RBFOX3: variants seen among roughly 807,000 people sequenced by gnomAD.
The protein encoded by RBFOX3 is RNA binding protein fox-1 homolog 3.
A neutral mutation model predicts 48.7 loss-of-function variants in RBFOX3; 17 were observed. The ratio of observed to expected loss-of-function variants is 0.35; its 90% CI spans 0.24 to 0.52. RBFOX3 has a LOEUF of 0.52. Among genes scored for constraint, RBFOX3 ranks in the 20% least tolerant of loss-of-function variants. The pLI is 0.94. For missense variants in RBFOX3, 382 were observed against 497.5 expected, an observed-to-expected ratio of 0.77 and a Z score of 2.21; for synonymous variants, 212 against 209.5, an observed-to-expected ratio of 1.01 and a Z score of -0.10.
intron 1 of RBFOX3, among the ~76,000 whole-genome samples, chr17:79,563,604 T>C (rs2144295216): frequency 6.6e-6 from 1 of 152,378 alleles, no homozygotes; most frequent in African/African-American, 2.4e-5. Context: ...GTTGTTGACA[T>C]TGGTACAGGT....
intron 3 of RBFOX3, among the ~76,000 whole-genome samples, chr17:79,275,941 A>G (rs1600361082): frequency 6.6e-6 from 1 of 152,270 alleles, no homozygotes; most frequent in African/African-American, 2.4e-5. Context: ...TTGCAGCGTC[A>G]TTCACCACAG....
intron 2 of RBFOX3, among the ~76,000 whole-genome samples, chr17:79,314,582 G>A (rs2077280117): frequency 6.6e-6 from 1 of 152,136 alleles, no homozygotes; most frequent in Non-Finnish European, 1.5e-5. Context: ...TTTCATGAAT[G>A]AAAGAGTGGA....
intron 4 of RBFOX3, among the ~76,000 whole-genome samples, chr17:79,216,902 C>CTGG (rs2059127979): frequency 6.6e-6 from 1 of 152,300 alleles, no homozygotes; most frequent in South Asian, 2.1e-4. Flanking sequence ...ATTGAGCCCA[C>CTGG]TGCCCAGACC....
chr17:79,491,807 T>A (rs2080709596), intron 1 of RBFOX3, among the ~76,000 whole-genome samples: 1 of 152,162 alleles, frequency 6.6e-6, no homozygotes, highest in African/African-American at 2.4e-5. Context: ...AGGCCGGGCA[T>A]GGTGGTTCAT....
At chr17:79,203,322 G>A (rs966832668) in intron 4 of RBFOX3, among the ~76,000 whole-genome samples, 2 of 132,880 alleles carry the variant, frequency 1.5e-5, no homozygotes, top group African/African-American at 5.9e-5. Flanking sequence ...GTGGTTTGAG[G>A]GTGAAGGGGC....
chr17:79,289,700 C>G (rs1189778608), intron 3 of RBFOX3, among the ~76,000 whole-genome samples: 2 of 152,338 alleles, frequency 1.3e-5, no homozygotes, highest in African/African-American at 4.8e-5. Flanking sequence ...AAGCTGCCTC[C>G]CAGCTCCTGG....
intron 3 of RBFOX3, among the ~76,000 whole-genome samples, chr17:79,250,710 G>A (rs950775332): frequency 3.3e-5 from 5 of 152,100 alleles, no homozygotes; most frequent in South Asian, 4.2e-4. Flanking sequence ...GACTCCCTTC[G>A]GCAGCCACCC....
intron 2 of RBFOX3, among the ~76,000 whole-genome samples, chr17:79,451,831 T>A (rs2073568400): frequency 6.6e-6 from 1 of 152,228 alleles, no homozygotes. Context: ...GCAGTGTTCG[T>A]ACGTTAGGTG....
intron 5 of RBFOX3, among the ~76,000 whole-genome samples, chr17:79,108,734 C>T: frequency 6.6e-6 from 1 of 152,248 alleles, no homozygotes; most frequent in East Asian, 1.9e-4. Flanking sequence ...AAGCCTCTGA[C>T]CAGGCTCCAG....
At chr17:79,217,923 C>A (rs2059260298) in intron 4 of RBFOX3, among the ~76,000 whole-genome samples, 1 of 151,808 alleles carries the variant, frequency 6.6e-6, no homozygotes, top group Non-Finnish European at 1.5e-5. Context: ...GCTGAGAGGG[C>A]AGGGTGGGGA....
chr17:79,584,942 T>C (rs1355255216), intron 1 of RBFOX3, among the ~76,000 whole-genome samples: 1 of 151,962 alleles, frequency 6.6e-6, no homozygotes, highest in Non-Finnish European at 1.5e-5. Flanking sequence ...CTTTTTTGTA[T>C]TTTTAGTAGA....
chr17:79,390,989 CCT>C lies in RBFOX3; in HGVS notation c.-174-83167_-174-83166del, dbSNP rs1342173897. ...CTTCCCGCTTTCTTCTCCACAGCCC[CCT>C]GATTCCCACAGATCCTTCCCTGGAA... On this transcript the variant is annotated intron_variant, in intron 2 of 14. Coordinates refer to ENST00000693108, the MANE Select transcript of RBFOX3 (RefSeq NM_001350451.2). The surrounding 1 kb of genome is among the most constrained non-coding windows in gnomAD (Gnocchi z 4.2). Among the ~76,000 whole-genome samples, 3 of 152,172 alleles carry C rather than the reference CCT, an allele frequency of 2.0e-5. No individual in the cohort carries two copies. The highest frequency in any genetic ancestry group is 4.8e-5 in the African/African-American group (2 of 41,436).
chr17:79,448,737 C>T (rs2072870233), intron 2 of RBFOX3, among the ~76,000 whole-genome samples: 1 of 152,168 alleles, frequency 6.6e-6, no homozygotes, highest in African/African-American at 2.4e-5. Flanking sequence ...AGGACTGGGG[C>T]TAAGGGGCTT....
chr17:79,307,971 A>G (rs1294228002), intron 2 of RBFOX3, 147 bp from the exon 3 acceptor site: 3 of 153,224 alleles, frequency 2.0e-5, no homozygotes. Context: ...AACGATACAA[A>G]CAGGAATGCG....
chr17:79,397,750 C>T (rs1407152541), intron 2 of RBFOX3, among the ~76,000 whole-genome samples: 1 of 152,144 alleles, frequency 6.6e-6, no homozygotes, highest in African/African-American at 2.4e-5. Context: ...TTACCACCCC[C>T]GGGAGGCCTC....
chr17:79,656,637 A>AGAAGGAAGGAG, the RBFOX3 span, among the ~76,000 whole-genome samples: 2 of 137,798 alleles, frequency 1.5e-5, no homozygotes, highest in African/African-American at 6.0e-5. Context: ...GAAGAAAGAA[A>AGAAGGAAGGAG]GGAAGAGAAG....
At chr17:79,135,362 C>T (rs2039948075) in intron 4 of RBFOX3, among the ~76,000 whole-genome samples, 3 of 152,190 alleles carry the variant, frequency 2.0e-5, no homozygotes, top group South Asian at 2.1e-4. Flanking sequence ...ATAAGGAAAA[C>T]CTTGCTGCCC....
At chr17:79,472,030 A>G (rs994734774) in intron 2 of RBFOX3, among the ~76,000 whole-genome samples, 4 of 152,200 alleles carry the variant, frequency 2.6e-5, no homozygotes, top group Non-Finnish European at 4.4e-5. Context: ...AAGAGACATG[A>G]CCAAAGAGGC....
At position 79,504,081 on chromosome 17, in the gene RBFOX3, G is replaced by A. The variant is rs891811204; in HGVS notation, c.-319-21483C>T. On this transcript the variant is annotated intron_variant, in intron 1 of 14. Coordinates refer to ENST00000693108, the MANE Select transcript of RBFOX3 (RefSeq NM_001350451.2). ...TGCTCACCTCGAGCTCCTGAGCACCGTCCCCTGAGAGAGTTCCTGTGACCA... is the reference window on the plus strand; with the variant it reads ...TGCTCACCTCGAGCTCCTGAGCACCATCCCCTGAGAGAGTTCCTGTGACCA... Among the ~76,000 whole-genome samples, 323 of 152,190 alleles carry A rather than the reference G, an allele frequency of 2.1e-3. 1 individual carries two copies. The highest frequency in any genetic ancestry group is 3.9e-3 in the Non-Finnish European group (263 of 67,998).
Sources: allele counts gnomAD v4.1 joint callset (sites outside exome capture counted in the v4.1 genomes callset), GRCh38; gene constraint gnomAD v4.1.1; non-coding constraint Gnocchi (gnomAD v3.1); transcripts MANE v1.5; gene names NCBI Gene and HGNC (gene_info 2026-07-23, HGNC 2026-07-21).